Variants in NPY2R observed in about 807,000 individuals in gnomAD.
The protein encoded by NPY2R is neuropeptide Y receptor Y2.
NPY2R carries 17 observed loss-of-function variants against 22.3 expected under a neutral mutation model. That is an observed-to-expected ratio of 0.76 (90% confidence interval 0.52 to 1.14). The LOEUF (loss-of-function observed/expected upper bound fraction) is 1.14, where lower values mean the gene tolerates loss of function less well. Among genes scored for constraint, NPY2R ranks in the 50% most tolerant of loss-of-function variants. The pLI is 0.00. For synonymous variants in NPY2R, 209 were observed against 183.4 expected (o/e 1.14, Z -1.13); for missense variants, 424 against 467.9 (o/e 0.91, Z 0.87).
chr4:155,191,667 C>T, the NPY2R span, among the ~76,000 whole-genome samples: 2 of 151,822 alleles, frequency 1.3e-5, no homozygotes, highest in Non-Finnish European at 2.9e-5. Flanking sequence ...CAAATCCTTG[C>T]CTGAATTTCA....
In NPY2R at chr4:155,215,000, C is replaced by A; in HGVS notation, c.1061C>A (p.Ser354Tyr). ...QRLDAIHSEV[S>Y]VTFKAKKNLE... ...TTGGATGCCATTCACTCTGAGGTGT[C>A]CGTGACATTCAAGGCTAAAAAGAAC... is the stretch of plus-strand genomic sequence containing the variant. The change falls in exon 2 of 2, where the codon TCC becomes TAC. Residue 354 changes from serine to tyrosine, a missense_variant. Coordinates refer to ENST00000329476, the MANE Select transcript of NPY2R (RefSeq NM_000910.4). 6.2e-7 allele frequency: 1 copy of A among 1,614,134 alleles called. No homozygotes were observed. The highest frequency in any genetic ancestry group is 8.5e-7 in the Non-Finnish European group (1 of 1,180,014).
chr4:155,211,958 AG>A (rs1729413006), intron 1 of NPY2R, among the ~76,000 whole-genome samples: 1 of 152,194 alleles, frequency 6.6e-6, no homozygotes, highest in Non-Finnish European at 1.5e-5. Context: ...GCTGCCTGCC[AG>A]TGCCTCCCAC....
chr4:155,190,375 C>T, the NPY2R span, among the ~76,000 whole-genome samples: 1 of 151,808 alleles, frequency 6.6e-6, no homozygotes, highest in Non-Finnish European at 1.5e-5. Flanking sequence ...ATATAGAAAA[C>T]ATATTTTGTA....
the NPY2R span, among the ~76,000 whole-genome samples, chr4:155,181,869 A>G: frequency 1.3e-5 from 2 of 152,160 alleles, no homozygotes; most frequent in Non-Finnish European, 2.9e-5. Flanking sequence ...CTTCCATAAC[A>G]CTCATGGTAG....
chr4:155,202,664 C>T, the NPY2R span, among the ~76,000 whole-genome samples: 1 of 152,180 alleles, frequency 6.6e-6, no homozygotes, highest in East Asian at 1.9e-4. Context: ...TATGTGAAAA[C>T]TGTATATAAA....
At chr4:155,199,102 C>T in the NPY2R span, among the ~76,000 whole-genome samples, 1 of 151,974 alleles carries the variant, frequency 6.6e-6, no homozygotes, top group African/African-American at 2.4e-5. Context: ...GTGTACTGAA[C>T]ACCATGTTCA....
At chr4:155,184,050 C>T in the NPY2R span, among the ~76,000 whole-genome samples, 2 of 152,206 alleles carry the variant, frequency 1.3e-5, no homozygotes, top group African/African-American at 4.8e-5. Flanking sequence ...AGGAGCTGTG[C>T]ACCCAGTTTA....
the NPY2R span, among the ~76,000 whole-genome samples, chr4:155,197,115 A>T: frequency 1.3e-5 from 2 of 151,872 alleles, no homozygotes; most frequent in Non-Finnish European, 1.5e-5. Context: ...AATATAGTTA[A>T]CTTTTGTATA....
At chr4:155,211,286 A>G (rs1729399153) in intron 1 of NPY2R, among the ~76,000 whole-genome samples, 1 of 152,320 alleles carries the variant, frequency 6.6e-6, no homozygotes, top group South Asian at 2.1e-4. Flanking sequence ...GAAGGAAAAC[A>G]GTCACAACGT....
Position 155,213,918 on chromosome 4 carries a change from GC to G in NPY2R, c.-20del. Reference sequence around the variant, plus strand: ...TTGTAGACTCTTGTGCTGGTTGCAGGCCAAGTGGACCTGTACTGAAAATGGG... The same window carrying G: ...TTGTAGACTCTTGTGCTGGTTGCAGGCAAGTGGACCTGTACTGAAAATGGG... On this transcript the variant is annotated 5_prime_UTR_variant, in exon 2 of 2. Transcript: ENST00000329476. 1 of 1,606,050 alleles carries G rather than the reference GC, an allele frequency of 6.2e-7. No individual in the cohort carries two copies. The highest frequency in any genetic ancestry group is 8.5e-7 in the Non-Finnish European group (1 of 1,173,220).
the NPY2R span, among the ~76,000 whole-genome samples, chr4:155,186,315 G>T: frequency 1.3e-5 from 2 of 151,820 alleles, no homozygotes; most frequent in Non-Finnish European, 2.9e-5. Flanking sequence ...CATATTTTAG[G>T]TTATTTGATT....
chr4:155,196,309 A>T, the NPY2R span, among the ~76,000 whole-genome samples: 3 of 151,968 alleles, frequency 2.0e-5, no homozygotes, highest in Non-Finnish European at 4.4e-5. Flanking sequence ...TCATGGAGGG[A>T]AGGAGAGGAT....
At chr4:155,186,995 T>A in the NPY2R span, among the ~76,000 whole-genome samples, 3 of 152,138 alleles carry the variant, frequency 2.0e-5, no homozygotes, top group Non-Finnish European at 4.4e-5. Context: ...AAATATGAGA[T>A]TTATGTCAGT....
the NPY2R span, among the ~76,000 whole-genome samples, chr4:155,178,432 A>G: frequency 6.6e-6 from 1 of 152,198 alleles, no homozygotes; most frequent in Non-Finnish European, 1.5e-5. Flanking sequence ...CACTAGCTTG[A>G]CGTATGTTTC....
intron 1 of NPY2R, among the ~76,000 whole-genome samples, chr4:155,210,582 G>A (rs1729383418): frequency 6.6e-6 from 1 of 152,176 alleles, no homozygotes. Flanking sequence ...GGGATATGGT[G>A]TGGGCTATCA....
At chr4:155,178,053 CT>C in the NPY2R span, among the ~76,000 whole-genome samples, 1 of 152,162 alleles carries the variant, frequency 6.6e-6, no homozygotes. Context: ...TATTTCTAGT[CT>C]AAGAATTTAG....
At position 155,215,046 on chromosome 4, in the gene NPY2R, T is replaced by G; in HGVS notation, c.1107T>G (p.Ser369Arg). 1 of 1,613,626 alleles carries G rather than the reference T, an allele frequency of 6.2e-7. No individual in the cohort carries two copies. The highest frequency in any genetic ancestry group is 8.5e-7 in the Non-Finnish European group (1 of 1,180,026). ...AKKNLEVRKNSGPNDSFTEAT... is the reference protein window; with the variant it reads ...AKKNLEVRKNRGPNDSFTEAT... ...AGAACCTGGAGGTCAGAAAGAACAGTGGCCCCAATGACTCTTTCACAGAGG... is the reference window on the plus strand; with the variant it reads ...AGAACCTGGAGGTCAGAAAGAACAGGGGCCCCAATGACTCTTTCACAGAGG... Residue 369 changes from serine (S) to arginine (R), a missense_variant, in exon 2 of 2, where the codon AGT (serine) becomes AGG (arginine). Physicochemically the swap from Ser to Arg is moderately radical, Grantham distance 110. Transcript: ENST00000329476.
the NPY2R span, among the ~76,000 whole-genome samples, chr4:155,193,598 T>C: frequency 2.0e-5 from 3 of 151,858 alleles, no homozygotes; most frequent in African/African-American, 7.2e-5. Flanking sequence ...AGGAGAGACT[T>C]GTTCAGTATT....
At chr4:155,174,443 G>A in the NPY2R span, among the ~76,000 whole-genome samples, 4 of 123,882 alleles carry the variant, frequency 3.2e-5, no homozygotes, top group East Asian at 1.0e-3. Flanking sequence ...AGGAAATTTG[G>A]CATATCATTG....
Sources: gnomAD v4.1 joint callset for allele counts (sites outside exome capture counted in the v4.1 genomes callset) on GRCh38, gnomAD v4.1.1 for gene constraint, MANE v1.5 for transcripts, NCBI Gene and HGNC (gene_info 2026-07-23, HGNC 2026-07-21) for gene names.